The following UNC13C variants were observed in gnomAD, a reference collection of about 807,000 sequenced individuals.
UNC13C encodes the protein unc-13 homolog C.
In UNC13C, 174 loss-of-function variants were observed where a neutral mutation model predicts 245.4. The observed-to-expected ratio is 0.71, with a 90% CI of 0.63 to 0.80. The LOEUF (loss-of-function observed/expected upper bound fraction) is 0.80. Ranked by LOEUF, UNC13C falls within the 30% of genes least tolerant of loss-of-function variation. The pLI is 0.00. For synonymous variants in UNC13C, 992 were observed against 895.1 expected (o/e 1.11, Z -1.93); for missense variants, 2,829 against 2,602.9 (o/e 1.09, Z -1.89).
chr15:53,875,329 C>G, the UNC13C span, among the ~76,000 whole-genome samples: 1 of 152,076 alleles, frequency 6.6e-6, no homozygotes, highest in Non-Finnish European at 1.5e-5. Context: ...TGATGGCAGA[C>G]TAGCGCAAGA....
At chr15:54,185,747 A>G (rs980059145) in intron 4 of UNC13C, among the ~76,000 whole-genome samples, 11 of 150,406 alleles carry the variant, frequency 7.3e-5, no homozygotes, top group Non-Finnish European at 1.6e-4. Context: ...TTGACTGGGC[A>G]ATGCGGGATC....
chr15:54,167,115 T>C (rs988575453), intron 4 of UNC13C, among the ~76,000 whole-genome samples: 1 of 152,200 alleles, frequency 6.6e-6, no homozygotes, highest in Non-Finnish European at 1.5e-5. Flanking sequence ...AGTGGTAAAC[T>C]GGTATGAGAG....
rs1896501852 is a variant in UNC13C, at chr15:54,546,777, G to C, written c.5752G>C (p.Glu1918Gln). Residue 1918 changes from glutamate (E) to glutamine (Q), a missense_variant, in exon 27 of 33, where the codon GAG (glutamate) becomes CAG (glutamine). Glu to Gln is a conservative substitution (Grantham distance 29). Coordinates refer to ENST00000260323, the MANE Select transcript of UNC13C (RefSeq NM_001080534.3). Reference sequence around the variant, plus strand: ...AACAGTCCTAAAGCGAGTTTTAAAAGAGTTATGGAAGCTAGTTCTCAACAA... The same window carrying C: ...AACAGTCCTAAAGCGAGTTTTAAAACAGTTATGGAAGCTAGTTCTCAACAA... ...EKTVLKRVLKELWKLVLNKIE... is the reference protein window; with the variant it reads ...EKTVLKRVLKQLWKLVLNKIE... 2 of 1,560,942 alleles carry C rather than the reference G, an allele frequency of 1.3e-6. No individual in the cohort carries two copies. The highest frequency in any genetic ancestry group is 1.7e-6 in the Non-Finnish European group (2 of 1,151,440).
At chr15:54,436,710 G>A (rs1215500079) in intron 19 of UNC13C, among the ~76,000 whole-genome samples, 5 of 151,840 alleles carry the variant, frequency 3.3e-5, no homozygotes, top group Non-Finnish European at 7.4e-5. Flanking sequence ...AAGACCTAAT[G>A]CATATGAGGC....
the UNC13C span, among the ~76,000 whole-genome samples, chr15:53,921,561 C>G: frequency 2.0e-5 from 3 of 152,152 alleles, no homozygotes; most frequent in Non-Finnish European, 2.9e-5. Flanking sequence ...TCAGAGTTCT[C>G]CAATCTAATA....
the UNC13C span, among the ~76,000 whole-genome samples, chr15:53,901,246 G>A: frequency 8.0e-6 from 1 of 125,616 alleles, no homozygotes; most frequent in Non-Finnish European, 1.6e-5. Flanking sequence ...TTGAGATGCA[G>A]TCTCACTCTG....
In UNC13C at chr15:54,060,603, C is replaced by G. The variant is rs559006580; in HGVS notation, c.2983+44717C>G. Among the ~76,000 whole-genome samples the G allele has an allele frequency of 2.0e-5, 3 of 152,212 alleles. No individual in the cohort carries two copies. The South Asian group carries it at 6.2e-4, about 32-fold the overall frequency. On this transcript the variant is annotated intron_variant, in intron 2 of 32. Coordinates refer to ENST00000260323, the MANE Select transcript of UNC13C (RefSeq NM_001080534.3). ...GAACTAGAAATACCATTTGACCCAG[C>G]CATCCCATTACTGGGTATATACCCA...
At chr15:54,131,572 C>T (rs1267944243) in intron 2 of UNC13C, among the ~76,000 whole-genome samples, 1 of 152,132 alleles carries the variant, frequency 6.6e-6, no homozygotes, top group Non-Finnish European at 1.5e-5. Flanking sequence ...TGAGTCATCC[C>T]TTTCTTCAGC....
chr15:54,436,603 A>G lies in UNC13C; in HGVS notation c.4933+21536A>G, dbSNP rs576284497. ...CTGCATATTCTCACTCATAAATGGG[A>G]GTTGAACAATGAGATCACATGGACA... On this transcript the variant is annotated intron_variant, in intron 19 of 32. Coordinates refer to ENST00000260323, the MANE Select transcript of UNC13C (RefSeq NM_001080534.3). 1.3e-3 allele frequency among the ~76,000 whole-genome samples: 195 copies of G among 152,102 alleles called. 1 individual carries two copies. The highest frequency in any genetic ancestry group is 2.1e-3 in the Non-Finnish European group (143 of 67,936).
intron 8 of UNC13C, among the ~76,000 whole-genome samples, chr15:54,250,800 C>CAGCTGGGG (rs1348432417): frequency 3.9e-5 from 5 of 129,806 alleles, no homozygotes; most frequent in Admixed American, 8.1e-5. Flanking sequence ...TCTGTCGCCC[C>CAGCTGGGG]AGCTGGGGTG....
At chr15:53,998,934 A>C (rs1461085154) in intron 1 of UNC13C, among the ~76,000 whole-genome samples, 1 of 152,038 alleles carries the variant, frequency 6.6e-6, no homozygotes, top group Admixed American at 6.6e-5. Flanking sequence ...AATCAGCCTT[A>C]CATTCCTGGA....
intron 1 of UNC13C, among the ~76,000 whole-genome samples, chr15:53,985,001 G>A (rs1374028414): frequency 1.3e-5 from 2 of 151,932 alleles, no homozygotes; most frequent in African/African-American, 4.8e-5. Flanking sequence ...GAAAACACGG[G>A]AATACATGTG....
intron 8 of UNC13C, among the ~76,000 whole-genome samples, chr15:54,251,259 T>C (rs1567135679): frequency 6.6e-6 from 1 of 152,198 alleles, no homozygotes; most frequent in East Asian, 1.9e-4. Flanking sequence ...ATGGGATGTC[T>C]TGGGTTTGAA....
At chr15:54,091,254 T>C (rs1399690557) in intron 2 of UNC13C, among the ~76,000 whole-genome samples, 2 of 152,208 alleles carry the variant, frequency 1.3e-5, no homozygotes, top group Non-Finnish European at 2.9e-5. Flanking sequence ...GATCCTCTCT[T>C]GACATGTTCC....
In UNC13C at chr15:54,321,981, C is replaced by T. The variant is rs766202457; in HGVS notation, c.4311C>T (p.Val1437=). The change falls in exon 14 of 33, where the codon GTC becomes GTT. Residue 1437 remains valine, a synonymous_variant. Transcript: ENST00000260323. ...CTTCTAAATACATGTGCCCCGGTGT[C>T]CCTGCCGTCATGAGCACCTTGCTGG... is the stretch of plus-strand genomic sequence containing the variant. The part of the protein sequence containing the change: ...CLSSKYMCPG[V]PAVMSTLLAN... 6 of 1,586,912 alleles carry T rather than the reference C, an allele frequency of 3.8e-6. 1 individual carries two copies. In the South Asian group the frequency reaches 4.6e-5, roughly 12 times the overall value.
chr15:54,101,139 GT>G (rs1008440048), intron 2 of UNC13C, among the ~76,000 whole-genome samples: 1 of 151,732 alleles, frequency 6.6e-6, no homozygotes, highest in Non-Finnish European at 1.5e-5. Context: ...TTTATGATGA[GT>G]TTTTTTTAAA....
chr15:54,524,534 C>T (rs1895363695), intron 24 of UNC13C, among the ~76,000 whole-genome samples: 1 of 152,110 alleles, frequency 6.6e-6, no homozygotes, highest in Admixed American at 6.5e-5. Context: ...TTAGAGCTAC[C>T]CAGCTGCAGA....
intron 2 of UNC13C, among the ~76,000 whole-genome samples, chr15:54,116,404 T>G (rs1483751747): frequency 6.6e-6 from 1 of 152,150 alleles, no homozygotes; most frequent in African/African-American, 2.4e-5. Context: ...TTGTGCCCAC[T>G]AATCAGCCTA....
At chr15:54,016,916 C>A (rs1895685795) in intron 2 of UNC13C, among the ~76,000 whole-genome samples, 1 of 152,172 alleles carries the variant, frequency 6.6e-6, no homozygotes, top group Admixed American at 6.6e-5. Flanking sequence ...CCAAGTGTTA[C>A]TTGCTATTAT....
Sources: gnomAD v4.1 joint callset for allele counts (sites outside exome capture counted in the v4.1 genomes callset) on GRCh38, gnomAD v4.1.1 for gene constraint, MANE v1.5 for transcripts, NCBI Gene and HGNC (gene_info 2026-07-23, HGNC 2026-07-21) for gene names.